Variants in SPOCK3 observed in about 807,000 individuals in gnomAD.
SPOCK3 encodes the protein SPARC (osteonectin), cwcv and kazal like domains proteoglycan 3.
In SPOCK3, 30 loss-of-function variants were observed where a neutral mutation model predicts 56.6. That is an observed-to-expected ratio of 0.53 (90% CI 0.40 to 0.72). The LOEUF is 0.72. SPOCK3 is among the 30% of genes least tolerant of loss of function. The pLI is 0.00. For synonymous variants in SPOCK3, 196 were observed against 183.3 expected (o/e 1.07, Z -0.56); for missense variants, 527 against 530.0 (o/e 0.99, Z 0.06).
At chr4:167,224,161 T>C (rs1199288995) in intron 2 of SPOCK3, among the ~76,000 whole-genome samples, 3 of 152,172 alleles carry the variant, frequency 2.0e-5, no homozygotes, top group African/African-American at 7.2e-5. Flanking sequence ...CATAGTTTTC[T>C]AACACATATT....
intron 6 of SPOCK3, among the ~76,000 whole-genome samples, chr4:166,851,984 C>T (rs1030753655): frequency 2.0e-5 from 3 of 151,440 alleles, no homozygotes; most frequent in Non-Finnish European, 3.0e-5. Flanking sequence ...ATGATGAGTT[C>T]ATGTCCTTTG....
intron 6 of SPOCK3, among the ~76,000 whole-genome samples, chr4:166,853,796 A>G (rs1730380197): frequency 6.6e-6 from 1 of 151,960 alleles, no homozygotes; most frequent in African/African-American, 2.4e-5. Context: ...GCATGAGAAT[A>G]GCTTGAACCC....
At chr4:167,018,730 A>G (rs1750886872) in intron 3 of SPOCK3, among the ~76,000 whole-genome samples, 1 of 151,896 alleles carries the variant, frequency 6.6e-6, no homozygotes, top group Admixed American at 6.6e-5. Context: ...CTTCAGTTGG[A>G]ATGCCACCTG....
intron 2 of SPOCK3, among the ~76,000 whole-genome samples, chr4:167,222,418 C>T (rs1380977680): frequency 6.7e-6 from 1 of 149,932 alleles, no homozygotes; most frequent in East Asian, 1.9e-4. Context: ...TTAAAAATGG[C>T]TAATATAGTA....
chr4:166,949,340 C>T lies in SPOCK3; in HGVS notation c.351-36597G>A, dbSNP rs552605121. Among the ~76,000 whole-genome samples, 754 of 152,324 alleles carry T rather than the reference C, an allele frequency of 4.9e-3. 8 individuals are homozygous for T. The highest frequency in any genetic ancestry group is 0.017 in the African/African-American group (718 of 41,576). On this transcript the variant is annotated intron_variant, in intron 4 of 10. Transcript: ENST00000357545. The stretch of plus-strand genomic sequence containing the variant: ...CGTCTGAAGCCTTCTTCTCTCAACT[C>T]GTCAAAGTCATTCTCCATCCAGCTT...
intron 5 of SPOCK3, among the ~76,000 whole-genome samples, chr4:166,897,276 T>C (rs1444760613): frequency 6.6e-6 from 1 of 152,156 alleles, no homozygotes; most frequent in Non-Finnish European, 1.5e-5. Flanking sequence ...GTACCCGATG[T>C]ATTGCTGTGC....
chr4:166,981,921 C>T (rs1223098974), intron 4 of SPOCK3, among the ~76,000 whole-genome samples: 1 of 152,208 alleles, frequency 6.6e-6, no homozygotes, highest in Non-Finnish European at 1.5e-5. Context: ...CTCACACACG[C>T]TCTGCAACTT....
intron 2 of SPOCK3, among the ~76,000 whole-genome samples, chr4:167,220,463 C>G (rs1162058878): frequency 6.8e-6 from 1 of 146,662 alleles, no homozygotes; most frequent in Non-Finnish European, 1.5e-5. Context: ...ACTGCAGCCT[C>G]TACCTCCTGG....
At chr4:167,197,673 G>A (rs991714716) in intron 2 of SPOCK3, among the ~76,000 whole-genome samples, 7 of 151,496 alleles carry the variant, frequency 4.6e-5, no homozygotes, top group African/African-American at 1.5e-4. Context: ...AAATAATTAA[G>A]AAACTGGACA....
intron 4 of SPOCK3, among the ~76,000 whole-genome samples, chr4:166,967,031 C>T (rs1744813839): frequency 6.6e-6 from 1 of 152,214 alleles, no homozygotes; most frequent in Admixed American, 6.5e-5. Context: ...CTAAATTTTG[C>T]CCTAAACTTA....
At chr4:167,184,399 G>T (rs751156270) in intron 2 of SPOCK3, among the ~76,000 whole-genome samples, 1 of 152,032 alleles carries the variant, frequency 6.6e-6, no homozygotes. Flanking sequence ...CATGATAATT[G>T]GTACTCTGTC....
At chr4:166,775,848 T>C (rs17598075) in intron 7 of SPOCK3, among the ~76,000 whole-genome samples, 3 of 152,068 alleles carry the variant, frequency 2.0e-5, no homozygotes, top group African/African-American at 7.2e-5. Flanking sequence ...TGCCAAACAC[T>C]GTAAAGAGTG....
At chr4:166,752,199 G>GT (rs1736461504) in intron 8 of SPOCK3, among the ~76,000 whole-genome samples, 1 of 151,716 alleles carries the variant, frequency 6.6e-6, no homozygotes, top group Non-Finnish European at 1.5e-5. Context: ...TAATTTTTGT[G>GT]TTTTTTGTAG....
intron 4 of SPOCK3, among the ~76,000 whole-genome samples, chr4:166,948,988 C>T (rs570047246): frequency 1.9e-3 from 291 of 152,306 alleles, no homozygotes; most frequent in African/African-American, 6.4e-3. Flanking sequence ...ACCAATCAGA[C>T]GTAGATTTGG....
chr4:167,174,584 C>T (rs1477517314), intron 2 of SPOCK3, among the ~76,000 whole-genome samples: 2 of 152,080 alleles, frequency 1.3e-5, no homozygotes, highest in Non-Finnish European at 2.9e-5. Context: ...CACTAGGTAG[C>T]AGGTACTGGC....
intron 6 of SPOCK3, among the ~76,000 whole-genome samples, chr4:166,809,700 CATAAT>C (rs1743566634): frequency 6.6e-6 from 1 of 152,092 alleles, no homozygotes; most frequent in Admixed American, 6.6e-5. Context: ...AATCAACTGA[CATAAT>C]ATGAGATAAA....
chr4:167,058,066 T>A (rs1166980069), intron 3 of SPOCK3, among the ~76,000 whole-genome samples: 1 of 152,078 alleles, frequency 6.6e-6, no homozygotes, highest in Admixed American at 6.6e-5. Context: ...ATGTAAAAGA[T>A]CGGAATTTTA....
chr4:166,754,386 CTT>C, intron 8 of SPOCK3, 120 bp downstream of exon 8: 1 of 1,402,740 alleles, frequency 7.1e-7, no homozygotes. Flanking sequence ...TTATTCAACA[CTT>C]GAATTACAAA....
Position 166,734,765 on chromosome 4 carries a change from A to C in SPOCK3, c.*156T>G, listed in dbSNP as rs1734049731. The C allele has an allele frequency of 1.6e-6, 1 of 620,444 alleles. No individual in the cohort carries two copies. Among genetic ancestry groups the C allele is most frequent in the Non-Finnish European group, 2.6e-6 (1 of 382,054 alleles). 38.4% of individuals were successfully genotyped at this position (620,444 alleles called of 1,614,324 possible). ...GCAAATGATTCTTATTTAAACATAA[A>C]GTTCTATAACTTTAGCTGCAATTTT... On this transcript the variant is annotated 3_prime_UTR_variant, in exon 11 of 11. Transcript: ENST00000357545.
Sources: allele counts gnomAD v4.1 joint callset (sites outside exome capture counted in the v4.1 genomes callset), GRCh38; gene constraint gnomAD v4.1.1; transcripts MANE v1.5; gene names NCBI Gene and HGNC (gene_info 2026-07-23, HGNC 2026-07-21).